The following KLRF1 variants were observed in gnomAD, a reference collection of about 807,000 sequenced individuals.
KLRF1 encodes killer cell lectin-like receptor subfamily F member 1.
In KLRF1, 27 loss-of-function variants were observed where a neutral mutation model predicts 30.7. The observed-to-expected ratio is 0.88, with a 90% CI of 0.65 to 1.21. The LOEUF (loss-of-function observed/expected upper bound fraction) is 1.21, where lower values mean the gene tolerates loss of function less well. Ranked by LOEUF, KLRF1 falls within the 50% of genes most tolerant of loss-of-function variation. The pLI is 0.00. For synonymous variants in KLRF1, 92 were observed against 89.3 expected, an observed-to-expected ratio of 1.03 and a Z score of -0.17; for missense variants, 246 against 259.3, an observed-to-expected ratio of 0.95 and a Z score of 0.35.
chr12:9,838,538 G>A (rs535361771), intron 3 of KLRF1, among the ~76,000 whole-genome samples: 51 of 152,186 alleles, frequency 3.4e-4, no homozygotes, highest in African/African-American at 7.2e-4. Flanking sequence ...CACTATTGGC[G>A]GGCACCACGT....
At chr12:9,820,269 C>T in the KLRF1 span, among the ~76,000 whole-genome samples, 12 of 152,166 alleles carry the variant, frequency 7.9e-5, no homozygotes, top group Middle Eastern at 3.4e-3. Context: ...CTGGAAAATC[C>T]GAGGTAACTA....
the KLRF1 span, among the ~76,000 whole-genome samples, chr12:9,818,765 C>CA: frequency 7.9e-5 from 12 of 152,026 alleles, 1 homozygote; most frequent in South Asian, 2.1e-4. Context: ...CTTAGAATGC[C>CA]AAAAAAATTG....
At chr12:9,842,474 G>A in intron 5 of KLRF1, 41 bp downstream of exon 5, 1 of 1,584,570 alleles carries the variant, frequency 6.3e-7, no homozygotes, top group Non-Finnish European at 8.6e-7. Flanking sequence ...ATTGTTTATT[G>A]TAGAATATGT....
intron 2 of KLRF1, 23 bp from the exon 3 acceptor site, chr12:9,833,280 C>T: frequency 6.5e-7 from 1 of 1,548,508 alleles, no homozygotes; most frequent in Non-Finnish European, 8.7e-7. Flanking sequence ...TTTACCTAAC[C>T]TTAAAATAGT....
the KLRF1 span, among the ~76,000 whole-genome samples, chr12:9,820,820 AAAGG>A: frequency 2.6e-5 from 4 of 152,154 alleles, no homozygotes; most frequent in Admixed American, 2.6e-4. Context: ...GGGAAAGAAC[AAAGG>A]GCCTAGTGAC....
chr12:9,806,052 T>C, the KLRF1 span, among the ~76,000 whole-genome samples: 1 of 151,980 alleles, frequency 6.6e-6, no homozygotes, highest in African/African-American at 2.4e-5. Context: ...TTTTCCCTTC[T>C]TTCTGCTTGC....
chr12:9,828,430 C>T (rs975348527), intron 1 of KLRF1, among the ~76,000 whole-genome samples: 3 of 151,976 alleles, frequency 2.0e-5, no homozygotes, highest in Non-Finnish European at 4.4e-5. Context: ...TGCTTTTCAC[C>T]AAGTTGACTC....
chr12:9,820,409 G>GCCA, the KLRF1 span, among the ~76,000 whole-genome samples: 4 of 152,198 alleles, frequency 2.6e-5, no homozygotes, highest in African/African-American at 9.6e-5. Context: ...TGGGCCTCCA[G>GCCA]CCACCCCCTG....
intron 3 of KLRF1, among the ~76,000 whole-genome samples, chr12:9,835,070 C>T (rs2908703): frequency 1.3e-5 from 2 of 152,036 alleles, no homozygotes; most frequent in African/African-American, 4.8e-5. Context: ...GCAGAAAGTC[C>T]TAAACCAACA....
At chr12:9,842,005 C>CGGCCGGGCGCGGTGGCTCACGCCTG in intron 4 of KLRF1, 54 bp downstream of exon 4, 1 of 1,500,484 alleles carries the variant, frequency 6.7e-7, no homozygotes, top group Non-Finnish European at 9.0e-7. Flanking sequence ...AATGGCTTTC[C>CGGCCGGGCGCGGTGGCTCACGCCTG]TCAAATATCT....
chr12:9,840,108 C>T (rs1867669174), intron 3 of KLRF1, among the ~76,000 whole-genome samples: 1 of 152,000 alleles, frequency 6.6e-6, no homozygotes, highest in African/African-American at 2.4e-5. Context: ...TACAAAAGGC[C>T]ACATATTGTA....
chr12:9,818,094 T>C, the KLRF1 span: 1 of 194,380 alleles, frequency 5.1e-6, no homozygotes, highest in African/African-American at 2.4e-5. Flanking sequence ...CAGACTCTCA[T>C]CGTCACTGCT....
upstream of KLRF1, among the ~76,000 whole-genome samples, chr12:9,827,277 G>A (rs1467663280): frequency 6.6e-6 from 1 of 152,168 alleles, no homozygotes; most frequent in Non-Finnish European, 1.5e-5. Flanking sequence ...AATTTGTAAA[G>A]CACTCAAAAG....
the KLRF1 span, among the ~76,000 whole-genome samples, chr12:9,822,435 A>G: frequency 6.6e-6 from 1 of 152,214 alleles, no homozygotes; most frequent in Non-Finnish European, 1.5e-5. Flanking sequence ...CCTCTAAAAT[A>G]AGACAGTCAG....
chr12:9,812,237 C>T, the KLRF1 span, among the ~76,000 whole-genome samples: 1 of 151,882 alleles, frequency 6.6e-6, no homozygotes. Flanking sequence ...TGGTGGCGGG[C>T]GCCTGTAGTC....
At chr12:9,827,672 A>G (rs1867312075) in intron 1 of KLRF1, 43 bp downstream of exon 1, 1 of 1,135,922 alleles carries the variant, frequency 8.8e-7, no homozygotes, top group Admixed American at 1.8e-5. Flanking sequence ...GTGAATTAAC[A>G]TGGTAGTTTC....
chr12:9,833,121 A>G, intron 2 of KLRF1, among the ~76,000 whole-genome samples, 182 bp from the exon 3 acceptor site: 1 of 152,204 alleles, frequency 6.6e-6, no homozygotes, highest in East Asian at 1.9e-4. Flanking sequence ...TGTTGTATAA[A>G]TGAATTGATT....
chr12:9,836,388 A>G (rs1284080274), intron 3 of KLRF1, among the ~76,000 whole-genome samples: 1 of 152,014 alleles, frequency 6.6e-6, no homozygotes, highest in Non-Finnish European at 1.5e-5. Context: ...TTTCCAAGCC[A>G]TCACAGCTGA....
intron 3 of KLRF1, among the ~76,000 whole-genome samples, chr12:9,836,774 C>T (rs1867587206): frequency 6.6e-6 from 1 of 152,064 alleles, no homozygotes; most frequent in Non-Finnish European, 1.5e-5. Flanking sequence ...TGTAGCTTTA[C>T]CTCATATTTT....
Sources: gnomAD v4.1 joint callset for allele counts (sites outside exome capture counted in the v4.1 genomes callset) on GRCh38, gnomAD v4.1.1 for gene constraint, MANE v1.5 for transcripts, NCBI Gene and HGNC (gene_info 2026-07-23, HGNC 2026-07-21) for gene names.